The following INPP5F variants were observed in gnomAD, a reference collection of about 807,000 sequenced individuals.
INPP5F encodes the protein inositol polyphosphate-5-phosphatase F.
Under a neutral mutation model 137.2 loss-of-function variants are expected in INPP5F, and 97 were observed. That is an observed-to-expected ratio of 0.71 (90% confidence interval 0.60 to 0.84). The LOEUF (loss-of-function observed/expected upper bound fraction) is 0.84. Ranked by LOEUF, INPP5F falls within the 40% of genes least tolerant of loss-of-function variation. The pLI is 0.00. For synonymous variants in INPP5F, 504 were observed against 476.9 expected (o/e 1.06, Z -0.74); for missense variants, 1,271 against 1,371.9 (o/e 0.93, Z 1.16).
chr10:119,734,090 G>T (rs141906886), intron 1 of INPP5F, among the ~76,000 whole-genome samples: 1 of 152,304 alleles, frequency 6.6e-6, no homozygotes, highest in East Asian at 1.9e-4. Context: ...ATTTTATTCA[G>T]TGAAGCAGGA....
chr10:119,820,476 T>C (rs146628417), intron 15 of INPP5F, among the ~76,000 whole-genome samples: 2 of 152,248 alleles, frequency 1.3e-5, no homozygotes, highest in African/African-American at 4.8e-5. Context: ...TGAGATAGTT[T>C]AGATGATTTC....
chr10:119,796,003 G>A (rs1203337075), intron 6 of INPP5F, among the ~76,000 whole-genome samples: 1 of 149,150 alleles, frequency 6.7e-6, no homozygotes, highest in African/African-American at 2.5e-5. Flanking sequence ...AGGCAGGGAG[G>A]TTGCAGTGAG....
intron 2 of INPP5F, among the ~76,000 whole-genome samples, chr10:119,769,509 G>A (rs1407887163): frequency 6.6e-6 from 1 of 152,152 alleles, no homozygotes; most frequent in African/African-American, 2.4e-5. Context: ...TTCTGGTCAT[G>A]TGTGTGAGGG....
At chr10:119,767,912 C>T (rs925426691) in intron 2 of INPP5F, among the ~76,000 whole-genome samples, 5 of 152,144 alleles carry the variant, frequency 3.3e-5, no homozygotes, top group Non-Finnish European at 7.3e-5. Flanking sequence ...AGCAACGAGT[C>T]ATTTGGTTTA....
chr10:119,826,187 A>G (rs1589762015), intron 19 of INPP5F, among the ~76,000 whole-genome samples: 5 of 152,146 alleles, frequency 3.3e-5, no homozygotes, highest in Non-Finnish European at 1.5e-5. Context: ...GCTGTGCTAG[A>G]CCCGCACTGC....
chr10:119,780,410 T>TA lies in INPP5F; in HGVS notation c.179-1217dup, dbSNP rs540915924. Among the ~76,000 whole-genome samples, 1,112 of 151,816 alleles carry TA rather than the reference T, an allele frequency of 7.3e-3. 3 individuals are homozygous for TA. The highest frequency in any genetic ancestry group is 0.013 in the Non-Finnish European group (858 of 67,914). ...GGCAACATGGCAAAACCCCATCTCTTAAAAAAAAGTACAAAAATTAGCTGG... is the reference window on the plus strand; with the variant it reads ...GGCAACATGGCAAAACCCCATCTCTTAAAAAAAAAGTACAAAAATTAGCTGG... On this transcript the variant is annotated intron_variant, in intron 2 of 19. Coordinates refer to ENST00000650623, the MANE Select transcript of INPP5F (RefSeq NM_014937.4).
At chr10:119,801,599 G>T (rs905135103) in intron 9 of INPP5F, among the ~76,000 whole-genome samples, 5 of 152,068 alleles carry the variant, frequency 3.3e-5, no homozygotes, top group Non-Finnish European at 5.9e-5. Context: ...AATTAGCCAG[G>T]CCTGGTGGCA....
At chr10:119,780,092 A>G (rs1849653606) in intron 2 of INPP5F, among the ~76,000 whole-genome samples, 1 of 152,196 alleles carries the variant, frequency 6.6e-6, no homozygotes, top group Non-Finnish European at 1.5e-5. Flanking sequence ...TACATTTATG[A>G]TGTCACTACG....
chr10:119,771,605 T>A (rs763349556), intron 2 of INPP5F, among the ~76,000 whole-genome samples: 4 of 151,864 alleles, frequency 2.6e-5, no homozygotes, highest in Non-Finnish European at 5.9e-5. Flanking sequence ...ATTATTATGC[T>A]TATAGTCTTC....
intron 8 of INPP5F, 37 bp downstream of exon 8, chr10:119,797,677 T>C (rs760715723): frequency 7.3e-6 from 11 of 1,502,782 alleles, no homozygotes; most frequent in Non-Finnish European, 8.1e-6. Flanking sequence ...AAATGATGAT[T>C]TCAGAGAGAA....
At position 119,827,180 on chromosome 10, in the gene INPP5F, G is replaced by A; in HGVS notation, c.2799G>A (p.Gln933=). ...ATGGGAGTGGGCTTGGAAAAGGCCAGGAGTCTCCTTTGAAGAAAAGTCCTT... is the reference window on the plus strand; with the variant it reads ...ATGGGAGTGGGCTTGGAAAAGGCCAAGAGTCTCCTTTGAAGAAAAGTCCTT... ...VAHGSGLGKG[Q]ESPLKKSPSA... is the part of the protein sequence containing the mutation. The change falls in exon 20 of 20, where the codon CAG becomes CAA. Residue 933 remains glutamine, a synonymous_variant. Coordinates refer to ENST00000650623, the MANE Select transcript of INPP5F (RefSeq NM_014937.4). 1 of 1,614,060 alleles carries A rather than the reference G, an allele frequency of 6.2e-7. No homozygotes were observed. Among genetic ancestry groups the A allele is most frequent in the Non-Finnish European group, 8.5e-7 (1 of 1,180,016 alleles).
intron 15 of INPP5F, among the ~76,000 whole-genome samples, chr10:119,818,273 G>A (rs890135819): frequency 1.3e-5 from 2 of 152,376 alleles, no homozygotes; most frequent in Middle Eastern, 3.4e-3. Context: ...AGGAAACCAC[G>A]GACCTGCAGG....
At chr10:119,760,165 T>C (rs954310851) in intron 2 of INPP5F, among the ~76,000 whole-genome samples, 1 of 152,250 alleles carries the variant, frequency 6.6e-6, no homozygotes, top group African/African-American at 2.4e-5. Context: ...GCGTGCCTCA[T>C]GCTATTCCAC....
intron 2 of INPP5F, among the ~76,000 whole-genome samples, chr10:119,755,338 C>T (rs1327617286): frequency 6.6e-6 from 1 of 152,152 alleles, no homozygotes; most frequent in Non-Finnish European, 1.5e-5. Context: ...GGCCACCATC[C>T]CCTTGTGTCT....
chr10:119,792,244 G>T (rs752048480), intron 6 of INPP5F, 31 bp downstream of exon 6: 1 of 1,495,816 alleles, frequency 6.7e-7, no homozygotes, highest in East Asian at 2.3e-5. Flanking sequence ...TTTCCTAACC[G>T]TAATGAAATT....
chr10:119,785,412 A>G (rs1357411389), intron 3 of INPP5F, among the ~76,000 whole-genome samples: 4 of 150,850 alleles, frequency 2.7e-5, no homozygotes, highest in African/African-American at 9.8e-5. Context: ...CAGTCTCCCG[A>G]GTAGCTGGGA....
In INPP5F at chr10:119,805,462, G is replaced by GT; in HGVS notation, c.1319+2dup. On this transcript the variant is annotated splice_donor_variant, in intron 11 of 19. Coordinates refer to ENST00000650623, the MANE Select transcript of INPP5F (RefSeq NM_014937.4). LOFTEE classifies it high-confidence loss of function. ...TTATTCTTGATATGAAGTGGTGTTGGTAAGTATTTTACAAGAACTCCTTTT... is the reference window on the plus strand; with the variant it reads ...TTATTCTTGATATGAAGTGGTGTTGGTTAAGTATTTTACAAGAACTCCTTTT... 6.3e-7 allele frequency: 1 copy of GT among 1,599,768 alleles called. No homozygotes were observed. The highest frequency in any genetic ancestry group is 1.1e-5 in the South Asian group (1 of 90,738).
At chr10:119,797,087 ATAAG>A (rs762716532) in intron 7 of INPP5F, among the ~76,000 whole-genome samples, 174 bp downstream of exon 7, 26 of 152,210 alleles carry the variant, frequency 1.7e-4, no homozygotes, top group African/African-American at 5.3e-4. Context: ...AGAGGGGTGA[ATAAG>A]AGAGAGTTAG....
chr10:119,745,852 G>T (rs185558158), intron 1 of INPP5F, among the ~76,000 whole-genome samples: 256 of 151,890 alleles, frequency 1.7e-3, no homozygotes, highest in African/African-American at 6.0e-3. Context: ...TTACAGGTAT[G>T]CGCTACCATG....
Sources: gnomAD v4.1 joint callset for allele counts (sites outside exome capture counted in the v4.1 genomes callset) on GRCh38, gnomAD v4.1.1 for gene constraint, MANE v1.5 for transcripts, NCBI Gene and HGNC (gene_info 2026-07-23, HGNC 2026-07-21) for gene names.